The following PDSS2 variants were observed in gnomAD, a reference collection of about 807,000 sequenced individuals.
The protein encoded by PDSS2 is decaprenyl diphosphate synthase subunit 2.
A neutral mutation model predicts 44.5 loss-of-function variants in PDSS2; 31 were observed. That is an observed-to-expected ratio of 0.70 (90% CI 0.52 to 0.94). The LOEUF (loss-of-function observed/expected upper bound fraction) is 0.94, where lower values mean the gene tolerates loss of function less well. PDSS2 is among the 40% of genes least tolerant of loss of function. The pLI, the probability that PDSS2 is intolerant of heterozygous loss-of-function variation, is 0.00. For missense variants in PDSS2, 452 were observed against 482.2 expected (o/e 0.94, Z 0.59); for synonymous variants, 157 against 180.3 (o/e 0.87, Z 1.03).
intron 1 of PDSS2, among the ~76,000 whole-genome samples, chr6:107,428,422 A>T (rs543820096): frequency 6.6e-6 from 1 of 152,358 alleles, no homozygotes; most frequent in African/African-American, 2.4e-5. Context: ...GGCAAAGGTC[A>T]GGACAGGGCA....
At chr6:107,417,455 C>T (rs908241156) in intron 1 of PDSS2, among the ~76,000 whole-genome samples, 1 of 152,070 alleles carries the variant, frequency 6.6e-6, no homozygotes, top group African/African-American at 2.4e-5. Flanking sequence ...ATCATGGAAT[C>T]TATCTAATAA....
At chr6:107,223,018 G>A (rs552432942) in intron 4 of PDSS2, among the ~76,000 whole-genome samples, 3 of 150,762 alleles carry the variant, frequency 2.0e-5, no homozygotes, top group Non-Finnish European at 4.4e-5. Flanking sequence ...GTGCAATCTC[G>A]GCTCACTGCA....
At chr6:107,299,047 T>TGAGGTGGGAGGATCGCCTGAGCCTGG (rs1307106079) in intron 2 of PDSS2, among the ~76,000 whole-genome samples, 3 of 143,672 alleles carry the variant, frequency 2.1e-5, no homozygotes, top group African/African-American at 7.8e-5. Flanking sequence ...CTTATGGGGC[T>TGAGGTGGGAGGATCGCCTGAGCCTGG]GAGGTGGGAG....
chr6:107,249,248 A>G (rs1040196777), intron 3 of PDSS2, among the ~76,000 whole-genome samples: 1 of 152,216 alleles, frequency 6.6e-6, no homozygotes, highest in African/African-American at 2.4e-5. Flanking sequence ...ATACTGCCCT[A>G]TTACCGTGCT....
chr6:107,422,279 G>A (rs901107394), intron 1 of PDSS2, among the ~76,000 whole-genome samples: 9 of 151,834 alleles, frequency 5.9e-5, no homozygotes, highest in Admixed American at 1.3e-4. Context: ...ACTAATATTA[G>A]TATTAATATT....
intron 1 of PDSS2, among the ~76,000 whole-genome samples, chr6:107,435,949 G>GA (rs11458153): frequency 0.66 from 99,220 of 150,928 alleles, 32,723 homozygotes; most frequent in Middle Eastern, 0.71. Flanking sequence ...CAAAAATTGC[G>GA]AAAAAAAAAT....
chr6:107,348,635 T>C (rs1037234229), intron 1 of PDSS2, among the ~76,000 whole-genome samples: 5 of 152,234 alleles, frequency 3.3e-5, no homozygotes, highest in Admixed American at 1.3e-4. Flanking sequence ...TGTTGACCTG[T>C]AGCACAATGT....
At position 107,173,572 on chromosome 6, in the gene PDSS2, CAAAAAAAAAA is replaced by C. The variant is rs71012783; in HGVS notation, c.1042-18805_1042-18796del. ...CTGGTGATGGAATGAGACTCTGTCTCAAAAAAAAAAAAAAAAAAAAAAAAACGCTTAGAAC... is the reference window on the plus strand; with the variant it reads ...CTGGTGATGGAATGAGACTCTGTCTCAAAAAAAAAAAAAAACGCTTAGAAC... On this transcript the variant is annotated intron_variant, in intron 7 of 7. Transcript: ENST00000369037. 2.9e-3 allele frequency among the ~76,000 whole-genome samples: 119 copies of C among 41,516 alleles called. 2 individuals carry two copies. The highest frequency in any genetic ancestry group is 0.014 in the African/African-American group (112 of 7,978). 27.2% of individuals were successfully genotyped at this position (41,516 alleles called of 152,430 possible).
In PDSS2 at chr6:107,400,148, G is replaced by A. The variant is rs150888454; in HGVS notation, c.296+58842C>T. Among the ~76,000 whole-genome samples the A allele has an allele frequency of 2.6e-5, 4 of 152,200 alleles. No individual in the cohort carries two copies. The East Asian group carries it at 7.7e-4, about 29-fold the overall frequency. On this transcript the variant is annotated intron_variant, in intron 1 of 7. Coordinates refer to ENST00000369037, the MANE Select transcript of PDSS2 (RefSeq NM_020381.4). ...GGGGAGCTTTCTGACCCTATCAAGTGCTGATAGTGTCAGGGAGCAGTGGAG... is the reference window on the plus strand; with the variant it reads ...GGGGAGCTTTCTGACCCTATCAAGTACTGATAGTGTCAGGGAGCAGTGGAG...
intron 2 of PDSS2, among the ~76,000 whole-genome samples, chr6:107,289,018 C>T (rs1384280962): frequency 6.6e-6 from 1 of 150,432 alleles, no homozygotes; most frequent in Non-Finnish European, 1.5e-5. Flanking sequence ...CCGCCCACCT[C>T]GGCCTCCCAA....
At chr6:107,412,560 T>A (rs967777119) in intron 1 of PDSS2, among the ~76,000 whole-genome samples, 1 of 152,206 alleles carries the variant, frequency 6.6e-6, no homozygotes, top group Non-Finnish European at 1.5e-5. Context: ...TTTTCTATAA[T>A]GTTTTTATGA....
At chr6:107,338,679 G>C (rs1777983992) in intron 1 of PDSS2, among the ~76,000 whole-genome samples, 1 of 152,126 alleles carries the variant, frequency 6.6e-6, no homozygotes, top group African/African-American at 2.4e-5. Context: ...AGGGGATCTG[G>C]GGCAGGGACG....
chr6:107,387,640 A>C (rs1779650887), intron 1 of PDSS2, among the ~76,000 whole-genome samples: 1 of 152,214 alleles, frequency 6.6e-6, no homozygotes, highest in South Asian at 2.1e-4. Flanking sequence ...ATAATACTGA[A>C]GCATAAAGGT....
chr6:107,432,754 T>C (rs1781231189), intron 1 of PDSS2, among the ~76,000 whole-genome samples: 1 of 146,896 alleles, frequency 6.8e-6, no homozygotes, highest in African/African-American at 2.7e-5. Flanking sequence ...GGAGACACTG[T>C]CTCAAAAACA....
chr6:107,294,826 C>G (rs1776457697), intron 2 of PDSS2, among the ~76,000 whole-genome samples: 1 of 152,196 alleles, frequency 6.6e-6, no homozygotes, highest in African/African-American at 2.4e-5. Context: ...TATAATTCAT[C>G]TGCTAACAAA....
In PDSS2 at chr6:107,332,827, A is replaced by G. The variant is rs187805286; in HGVS notation, c.431+1371T>C. Among the ~76,000 whole-genome samples the G allele has an allele frequency of 2.8e-3, 425 of 152,372 alleles. 1 individual carries two copies. Among genetic ancestry groups the G allele is most frequent in the African/African-American group, 9.4e-3 (392 of 41,590 alleles). On this transcript the variant is annotated intron_variant, in intron 2 of 7. Transcript: ENST00000369037. The stretch of plus-strand genomic sequence containing the variant: ...TAAAAATGCTTAGTAACCTAAAAGC[A>G]CTAAACAAATATGAACCATTTCAGA...
intron 1 of PDSS2, among the ~76,000 whole-genome samples, chr6:107,382,242 C>T (rs1164221166): frequency 6.6e-6 from 1 of 152,056 alleles, no homozygotes; most frequent in African/African-American, 2.4e-5. Context: ...GGCTGAAAAG[C>T]TAATACTTTT....
In PDSS2 at chr6:107,178,443, T is replaced by C. The variant is rs182409727; in HGVS notation, c.1041+15379A>G. On this transcript the variant is annotated intron_variant, in intron 7 of 7. Coordinates refer to ENST00000369037, the MANE Select transcript of PDSS2 (RefSeq NM_020381.4). Reference sequence around the variant, plus strand: ...TTAGATTGTGCCTCTTTCAAGAGAATGATGATCAGAGTTTGTTTTAAATGG... The same window carrying C: ...TTAGATTGTGCCTCTTTCAAGAGAACGATGATCAGAGTTTGTTTTAAATGG... 1.8e-3 allele frequency among the ~76,000 whole-genome samples: 272 copies of C among 152,316 alleles called. 3 individuals are homozygous for C. In the South Asian group the frequency reaches 0.032, roughly 18 times the overall value.
chr6:107,309,571 C>A (rs1482485807), intron 2 of PDSS2, among the ~76,000 whole-genome samples: 2 of 152,184 alleles, frequency 1.3e-5, no homozygotes, highest in African/African-American at 4.8e-5. Context: ...AGCCAGGAGT[C>A]CTGAGGGCAA....
Sources: allele counts gnomAD v4.1 joint callset (sites outside exome capture counted in the v4.1 genomes callset), GRCh38; gene constraint gnomAD v4.1.1; transcripts MANE v1.5; gene names NCBI Gene and HGNC (gene_info 2026-07-23, HGNC 2026-07-21).